Variants in FRMPD4 observed in about 807,000 individuals in gnomAD.
FRMPD4 encodes FERM and PDZ domain-containing protein 4.
In FRMPD4, 22 loss-of-function variants were observed where a neutral mutation model predicts 94.1. The observed-to-expected ratio is 0.23, with a 90% CI of 0.17 to 0.33. The LOEUF (loss-of-function observed/expected upper bound fraction) is 0.33, where lower values mean the gene tolerates loss of function less well. Ranked by LOEUF, FRMPD4 falls within the 10% of genes least tolerant of loss-of-function variation. The pLI is 1.00. For synonymous variants in FRMPD4, 631 were observed against 548.6 expected (o/e 1.15, Z -2.10); for missense variants, 1,111 against 1,339.9 (o/e 0.83, Z 2.67).
chrX:11,904,357 C>T (rs767846056), intron 3 of FRMPD4, among the ~76,000 whole-genome samples: 58 of 111,962 alleles, frequency 5.2e-4, no homozygotes, highest in African/African-American at 1.8e-3. Flanking sequence ...AGAGACTTTG[C>T]CACTAGGCTC....
rs747358142 is a variant in FRMPD4, at chrX:12,412,505, A to G, written c.42-86175A>G. Among the ~76,000 whole-genome samples, 4 of 112,477 alleles carry G rather than the reference A, an allele frequency of 3.6e-5. No individual in the cohort carries two copies. In the East Asian group the frequency reaches 1.1e-3, roughly 31 times the overall value. On this transcript the variant is annotated intron_variant, in intron 1 of 16. Transcript: ENST00000675598. ...GAAACTCTTAATCCATATTCTGGCA[A>G]GCATCAGGATACTTTTAGGAGTGAT...
At chrX:12,483,172 G>T (rs2057705867) in intron 1 of FRMPD4, among the ~76,000 whole-genome samples, 1 of 112,091 alleles carries the variant, frequency 8.9e-6, no homozygotes, top group Non-Finnish European at 1.9e-5. Flanking sequence ...TTGGGGGAAT[G>T]AACATGAGTT....
At chrX:12,498,542 G>A in intron 1 of FRMPD4, 138 bp from the exon 2 acceptor site, 1 of 542,283 alleles carries the variant, frequency 1.8e-6, no homozygotes, top group Non-Finnish European at 3.3e-6. Context: ...AAAAGATAAT[G>A]TGTCGATTTT....
At chrX:12,207,339 C>G (rs1269310070) in intron 1 of FRMPD4, among the ~76,000 whole-genome samples, 1 of 111,231 alleles carries the variant, frequency 9.0e-6, no homozygotes. Context: ...TTAACTAAAG[C>G]TGTGAAATAG....
chrX:12,102,794 C>T (rs1047598744), intron 3 of FRMPD4, among the ~76,000 whole-genome samples: 8 of 109,541 alleles, frequency 7.3e-5, no homozygotes, highest in Admixed American at 1.0e-4. Context: ...TTTTTCCTGG[C>T]GATACTAGAT....
intron 3 of FRMPD4, among the ~76,000 whole-genome samples, chrX:12,013,486 T>G (rs1321679820): frequency 8.9e-6 from 1 of 112,590 alleles, no homozygotes; most frequent in African/African-American, 3.2e-5. Flanking sequence ...AGTGCCAGTC[T>G]GCTGACTCAT....
intron 1 of FRMPD4, among the ~76,000 whole-genome samples, chrX:12,440,875 A>G (rs1231176510): frequency 1.0e-5 from 1 of 99,453 alleles, no homozygotes; most frequent in Non-Finnish European, 1.9e-5. Flanking sequence ...AACCAAAGAG[A>G]TAGATAGTGA....
chrX:12,081,464 T>C (rs1477956707), intron 3 of FRMPD4, among the ~76,000 whole-genome samples: 1 of 111,153 alleles, frequency 9.0e-6, no homozygotes, highest in Non-Finnish European at 1.9e-5. Context: ...ATGACTTCTT[T>C]CTCAGCCATG....
At chrX:11,861,441 G>A (rs2053686425) in intron 1 of FRMPD4, among the ~76,000 whole-genome samples, 2 of 110,231 alleles carry the variant, frequency 1.8e-5, no homozygotes, top group Non-Finnish European at 3.8e-5. Flanking sequence ...AAGAAAATCA[G>A]CACAAACACA....
intron 1 of FRMPD4, among the ~76,000 whole-genome samples, chrX:12,198,990 G>T (rs918504138): frequency 3.6e-5 from 4 of 111,491 alleles, no homozygotes; most frequent in Middle Eastern, 4.6e-3. Context: ...TAGATACTTT[G>T]TATTGATCAA....
At chrX:12,690,381 C>T in intron 8 of FRMPD4, 55 bp downstream of exon 8, 1 of 1,088,075 alleles carries the variant, frequency 9.2e-7, no homozygotes, top group African/African-American at 1.8e-5. Context: ...CAGAGGTTGC[C>T]CAGTCCAAGA....
At chrX:12,288,316 A>G (rs896932931) in intron 1 of FRMPD4, among the ~76,000 whole-genome samples, 3 of 111,937 alleles carry the variant, frequency 2.7e-5, no homozygotes, top group Non-Finnish European at 5.6e-5. Flanking sequence ...TTCTATAACT[A>G]TTCATGACTC....
intron 3 of FRMPD4, among the ~76,000 whole-genome samples, chrX:12,067,563 G>A (rs1388915224): frequency 3.7e-5 from 4 of 109,567 alleles, no homozygotes; most frequent in African/African-American, 1.0e-4. Flanking sequence ...GATTACAGGC[G>A]TGCATCACCA....
chrX:12,462,380 A>G lies in FRMPD4; in HGVS notation c.42-36300A>G, dbSNP rs750607260. On this transcript the variant is annotated intron_variant, in intron 1 of 16. Coordinates refer to ENST00000675598, the MANE Select transcript of FRMPD4 (RefSeq NM_001368397.1). ...CCAGGACATTATTTTCCTAAGAAGA[A>G]CAGAATGGATAACTTTTTGTATTTT... Among the ~76,000 whole-genome samples the G allele has an allele frequency of 3.6e-5, 4 of 112,368 alleles. No individual in the cohort carries two copies. In the South Asian group the frequency reaches 1.5e-3, roughly 42 times the overall value.
At chrX:12,287,422 G>A (rs2054617061) in intron 1 of FRMPD4, among the ~76,000 whole-genome samples, 1 of 111,889 alleles carries the variant, frequency 8.9e-6, no homozygotes. Context: ...GTCAGAATTT[G>A]CAGATTGACA....
intron 1 of FRMPD4, among the ~76,000 whole-genome samples, chrX:12,205,355 A>G (rs1237452764): frequency 8.9e-6 from 1 of 112,065 alleles, no homozygotes; most frequent in Non-Finnish European, 1.9e-5. Flanking sequence ...ATAAAAATAT[A>G]TACTAAAAAA....
intron 1 of FRMPD4, among the ~76,000 whole-genome samples, chrX:12,475,634 T>G (rs2057586665): frequency 8.9e-6 from 1 of 112,034 alleles, no homozygotes; most frequent in African/African-American, 3.3e-5. Flanking sequence ...ACAAAATCAT[T>G]GTGCAAAAAT....
chrX:12,071,931 ATAAATGGTC>A (rs1225742454), intron 3 of FRMPD4, among the ~76,000 whole-genome samples: 5 of 111,845 alleles, frequency 4.5e-5, no homozygotes, highest in Non-Finnish European at 9.4e-5. Context: ...CTACGTTTAG[ATAAATGGTC>A]TAAAGTTTAC....
chrX:12,420,961 T>G (rs968676758), intron 1 of FRMPD4, among the ~76,000 whole-genome samples: 3 of 112,782 alleles, frequency 2.7e-5, no homozygotes, highest in African/African-American at 9.7e-5. Context: ...GATTTACTGA[T>G]TTTCCTTTGT....
Sources: allele counts gnomAD v4.1 joint callset (sites outside exome capture counted in the v4.1 genomes callset), GRCh38; gene constraint gnomAD v4.1.1; transcripts MANE v1.5; gene names NCBI Gene and HGNC (gene_info 2026-07-23, HGNC 2026-07-21).